The following STK3 variants were observed in gnomAD, a reference collection of about 807,000 sequenced individuals.
The protein encoded by STK3 is serine/threonine kinase 3.
Under a neutral mutation model 58.0 loss-of-function variants are expected in STK3, and 41 were observed. That is an observed-to-expected ratio of 0.71 (90% CI 0.55 to 0.92). The LOEUF is 0.92. STK3 is among the 40% of genes least tolerant of loss of function. The pLI is 0.00. For synonymous variants in STK3, 170 were observed against 191.0 expected (o/e 0.89, Z 0.91); for missense variants, 479 against 602.7 (o/e 0.79, Z 2.15).
intron 6 of STK3, among the ~76,000 whole-genome samples, chr8:98,701,659 C>T (rs902687989): frequency 6.6e-6 from 1 of 150,638 alleles, no homozygotes; most frequent in Non-Finnish European, 1.5e-5. Context: ...TATACACACA[C>T]ATATATATAC....
At chr8:98,480,044 G>A (rs1353005888) in intron 10 of STK3, among the ~76,000 whole-genome samples, 4 of 152,038 alleles carry the variant, frequency 2.6e-5, no homozygotes, top group South Asian at 2.1e-4. Context: ...AATCTGAAGA[G>A]GAGAGAGAAA....
At chr8:98,727,028 C>A (rs1011483961) in intron 4 of STK3, among the ~76,000 whole-genome samples, 4 of 152,146 alleles carry the variant, frequency 2.6e-5, no homozygotes, top group African/African-American at 9.7e-5. Flanking sequence ...GTCTAGCACT[C>A]ATTTGCTCTT....
intron 8 of STK3, among the ~76,000 whole-genome samples, chr8:98,568,353 T>C (rs1329576942): frequency 1.3e-5 from 2 of 152,130 alleles, no homozygotes; most frequent in South Asian, 2.1e-4. Flanking sequence ...AGAAAAATGT[T>C]TGGAAGTTAG....
At chr8:98,532,406 G>A (rs1269886000) in intron 9 of STK3, among the ~76,000 whole-genome samples, 3 of 152,118 alleles carry the variant, frequency 2.0e-5, no homozygotes, top group Admixed American at 6.6e-5. Flanking sequence ...TTATATAGGC[G>A]CAGTTTGTTG....
At chr8:98,769,069 A>G (rs1463856429) in intron 2 of STK3, among the ~76,000 whole-genome samples, 1 of 152,212 alleles carries the variant, frequency 6.6e-6, no homozygotes, top group Non-Finnish European at 1.5e-5. Flanking sequence ...TGGCCCCTCC[A>G]CAATTCATTT....
At chr8:98,700,821 C>G (rs905340365) in intron 6 of STK3, among the ~76,000 whole-genome samples, 1 of 152,092 alleles carries the variant, frequency 6.6e-6, no homozygotes, top group South Asian at 2.1e-4. Context: ...TTTCCTTACC[C>G]CTTTCCCTAT....
chr8:98,428,251 A>G lies in STK3; in HGVS notation n.483+5876T>C. 6.2e-7 allele frequency: 1 copy of G among 1,614,100 alleles called. No homozygotes were observed. The highest frequency in any genetic ancestry group is 8.5e-7 in the Non-Finnish European group (1 of 1,180,012). ...CATTTCTATCACACCGGCAAGCTTC[A>G]CGTCATGGCTGAGCTATGTGTCTTC... On this transcript the variant is annotated intron_variant and non_coding_transcript_variant, in intron 3 of 3. Coordinates refer to the STK3 transcript ENST00000517832. This position sits in a 1 kb window ranked among gnomAD's most constrained non-coding sequence, Gnocchi z 6.7.
At chr8:98,603,299 T>C (rs1410543822) in intron 6 of STK3, 1 of 151,888 alleles carries the variant, frequency 6.6e-6, no homozygotes, top group Non-Finnish European at 1.5e-5. Context: ...TGCAGTGACA[T>C]GATCTAGGCT....
At chr8:98,664,858 C>T (rs1311766347) in intron 6 of STK3, among the ~76,000 whole-genome samples, 1 of 151,722 alleles carries the variant, frequency 6.6e-6, no homozygotes, top group Non-Finnish European at 1.5e-5. Context: ...CAAGATCACA[C>T]CATTGCACTC....
At chr8:98,751,390 A>C (rs1241417339) in intron 3 of STK3, among the ~76,000 whole-genome samples, 2 of 152,222 alleles carry the variant, frequency 1.3e-5, no homozygotes, top group Non-Finnish European at 2.9e-5. Flanking sequence ...TCAGGCTGAT[A>C]AGCAACTTCA....
intron 3 of STK3, 103 bp downstream of exon 3, chr8:98,767,140 A>T: frequency 7.5e-7 from 1 of 1,333,490 alleles, no homozygotes. Flanking sequence ...GAAAAGAAAA[A>T]GAAATGAAAA....
intron 1 of STK3, among the ~76,000 whole-genome samples, chr8:98,820,643 A>T (rs1375538193): frequency 2.0e-5 from 3 of 152,168 alleles, no homozygotes; most frequent in Non-Finnish European, 2.9e-5. Context: ...CTGGACTATT[A>T]TGTGGTCATT....
the STK3 span, among the ~76,000 whole-genome samples, chr8:98,362,829 C>G: frequency 6.6e-6 from 1 of 152,218 alleles, no homozygotes; most frequent in African/African-American, 2.4e-5. Context: ...CACACCTCTT[C>G]CCTGGGTCTG....
chr8:98,528,202 T>C (rs1224312154), intron 9 of STK3, among the ~76,000 whole-genome samples: 2 of 152,220 alleles, frequency 1.3e-5, no homozygotes, highest in Non-Finnish European at 2.9e-5. Flanking sequence ...ATCACAGTTT[T>C]GATTTTAATT....
intron 1 of STK3, among the ~76,000 whole-genome samples, chr8:98,798,368 C>T (rs970921758): frequency 1.1e-4 from 16 of 152,126 alleles, no homozygotes; most frequent in Admixed American, 7.9e-4. Context: ...ATATAATGTA[C>T]AGAGTTTCAT....
chr8:98,387,870 G>GC (rs1344129740), intron 1 of STK3, among the ~76,000 whole-genome samples: 2 of 136,578 alleles, frequency 1.5e-5, no homozygotes, highest in African/African-American at 6.2e-5. Context: ...TTTGTAAAAT[G>GC]CCCTTTTTTT....
intron 1 of STK3, among the ~76,000 whole-genome samples, chr8:98,816,154 G>C (rs907477821): frequency 1.3e-5 from 2 of 152,114 alleles, no homozygotes; most frequent in Non-Finnish European, 2.9e-5. Flanking sequence ...AAACAACCTG[G>C]GTTCTCCAAC....
At chr8:98,834,730 C>T (rs1835685540) in intron 3 of STK3, among the ~76,000 whole-genome samples, 1 of 152,188 alleles carries the variant, frequency 6.6e-6, no homozygotes, top group Non-Finnish European at 1.5e-5. Flanking sequence ...GCCCTTATGA[C>T]TTAATCACCT....
chr8:98,344,908 A>AG, the STK3 span, among the ~76,000 whole-genome samples: 1 of 150,048 alleles, frequency 6.7e-6, no homozygotes, highest in African/African-American at 2.5e-5. Context: ...AAAAAAAAAA[A>AG]AAAAAAAAAA....
Sources: allele counts gnomAD v4.1 joint callset (sites outside exome capture counted in the v4.1 genomes callset), GRCh38; gene constraint gnomAD v4.1.1; non-coding constraint Gnocchi (gnomAD v3.1); transcripts MANE v1.5; gene names NCBI Gene and HGNC (gene_info 2026-07-23, HGNC 2026-07-21).